The following SH3PXD2B variants were observed in gnomAD, a reference collection of about 807,000 sequenced individuals.
The protein encoded by SH3PXD2B is SH3 and PX domain-containing protein 2B.
A neutral mutation model predicts 73.1 loss-of-function variants in SH3PXD2B; 37 were observed. The ratio of observed to expected loss-of-function variants is 0.51; its 90% CI spans 0.39 to 0.67. SH3PXD2B has a LOEUF of 0.67. Ranked by LOEUF, SH3PXD2B falls within the 30% of genes least tolerant of loss-of-function variation. The probability of loss-of-function intolerance (pLI) is 0.00; values close to 1 mark genes in which losing one functional copy is unlikely to be tolerated. For missense variants in SH3PXD2B, 1,053 were observed against 1,197.8 expected (o/e 0.88, Z 1.78); for synonymous variants, 457 against 480.5 (o/e 0.95, Z 0.64).
chr5:172,423,076 G>A (rs1759009127), intron 1 of SH3PXD2B, among the ~76,000 whole-genome samples: 2 of 152,214 alleles, frequency 1.3e-5, no homozygotes. Flanking sequence ...AATTAAGGAT[G>A]AAGGACCATT....
chr5:172,340,588 C>T (rs1756828926), intron 12 of SH3PXD2B, among the ~76,000 whole-genome samples: 1 of 152,118 alleles, frequency 6.6e-6, no homozygotes, highest in Non-Finnish European at 1.5e-5. Flanking sequence ...GTCCACAACA[C>T]ATGAAAGAGA....
At position 172,411,798 on chromosome 5, in the gene SH3PXD2B, G is replaced by GT. The variant is rs772338597; in HGVS notation, c.157-5447dup. 5.8e-4 allele frequency among the ~76,000 whole-genome samples: 85 copies of GT among 146,292 alleles called. 1 individual carries two copies. The highest frequency in any genetic ancestry group is 8.7e-4 in the South Asian group (4 of 4,606). Reference sequence around the variant, plus strand: ...TTTTAGTAGTCTGTAAGGCTGTGTGGTTTTTTTTTTTTAATCGTGTTAAAT... The same window carrying GT: ...TTTTAGTAGTCTGTAAGGCTGTGTGGTTTTTTTTTTTTTAATCGTGTTAAAT... On this transcript the variant is annotated intron_variant, in intron 2 of 12. Coordinates refer to ENST00000311601, the MANE Select transcript of SH3PXD2B (RefSeq NM_001017995.3).
chr5:172,390,829 G>A (rs1758171451), intron 4 of SH3PXD2B, among the ~76,000 whole-genome samples: 1 of 132,138 alleles, frequency 7.6e-6, no homozygotes, highest in South Asian at 2.2e-4. Context: ...GTGTGTGTGT[G>A]TGTGTGTGTG....
intron 10 of SH3PXD2B, 85 bp downstream of exon 10, chr5:172,350,278 G>T: frequency 7.3e-7 from 1 of 1,361,338 alleles, no homozygotes. Flanking sequence ...CTGCTGTGAG[G>T]ATGAGGGACG....
rs756632316 is a variant in SH3PXD2B at position 172,338,338 on chromosome 5, C to A, written c.*31G>T. On this transcript the variant is annotated 3_prime_UTR_variant, in exon 13 of 13. Transcript: ENST00000311601. The surrounding 1 kb of genome is among the most constrained non-coding windows in gnomAD (Gnocchi z 5.1). ...ATACGTGGGTAAAGCCAGCAAGGAC[C>A]AGCGGGCCCTCTAGGCAGAAAGGGA... 6.2e-7 allele frequency: 1 copy of A among 1,613,754 alleles called. No individual in the cohort carries two copies. The highest frequency in any genetic ancestry group is 1.1e-5 in the South Asian group (1 of 91,068).
chr5:172,363,002 C>G, intron 6 of SH3PXD2B, 133 bp from the exon 7 acceptor site: 1 of 1,201,098 alleles, frequency 8.3e-7, no homozygotes, highest in Non-Finnish European at 1.2e-6. Flanking sequence ...TCAAGGGTGA[C>G]TTCATCCATT....
intron 6 of SH3PXD2B, among the ~76,000 whole-genome samples, chr5:172,364,573 G>A (rs1455119154): frequency 6.6e-6 from 1 of 152,194 alleles, no homozygotes; most frequent in African/African-American, 2.4e-5. Flanking sequence ...GCTGAGCCAT[G>A]AGAATCGCTT....
intron 2 of SH3PXD2B, among the ~76,000 whole-genome samples, chr5:172,420,832 T>A (rs1758948084): frequency 6.6e-6 from 1 of 152,160 alleles, no homozygotes; most frequent in Non-Finnish European, 1.5e-5. Context: ...AGCTGTTGTA[T>A]CATTGTGCAA....
intron 1 of SH3PXD2B, among the ~76,000 whole-genome samples, chr5:172,431,395 G>A (rs967039046): frequency 1.3e-5 from 2 of 152,266 alleles, no homozygotes; most frequent in Non-Finnish European, 2.9e-5. Context: ...GCGACGGGGA[G>A]AGCCTGGCTT....
intron 8 of SH3PXD2B, among the ~76,000 whole-genome samples, chr5:172,355,019 G>T (rs989728410): frequency 4.6e-5 from 7 of 152,184 alleles, no homozygotes; most frequent in Non-Finnish European, 1.0e-4. Flanking sequence ...TATCTGCTCT[G>T]GCAGCTGAAA....
At chr5:172,361,228 T>C (rs1003780848) in intron 7 of SH3PXD2B, among the ~76,000 whole-genome samples, 5 of 152,156 alleles carry the variant, frequency 3.3e-5, no homozygotes, top group Non-Finnish European at 7.3e-5. Context: ...CATGTGTATA[T>C]AACATTTTCA....
At chr5:172,328,790 C>T (rs906321934), downstream of SH3PXD2B, among the ~76,000 whole-genome samples, 1 of 151,776 alleles carries the variant, frequency 6.6e-6, no homozygotes, top group Non-Finnish European at 1.5e-5. Flanking sequence ...AGGAGAGAGG[C>T]TGAGCTGTGC....
At position 172,423,378 on chromosome 5, in the gene SH3PXD2B, A is replaced by G. The variant is rs557602642; in HGVS notation, c.76-882T>C. On this transcript the variant is annotated intron_variant, in intron 1 of 12. Transcript: ENST00000311601. Reference sequence around the variant, plus strand: ...GTTTGGAAACAAAGAAATGTCATAGAAACACAAGGCGCTCAGTGCTGTTAG... The same window carrying G: ...GTTTGGAAACAAAGAAATGTCATAGGAACACAAGGCGCTCAGTGCTGTTAG... Among the ~76,000 whole-genome samples, 5 of 152,326 alleles carry G rather than the reference A, an allele frequency of 3.3e-5. No individual in the cohort carries two copies. The South Asian group carries it at 1.0e-3, about 32-fold the overall frequency.
In SH3PXD2B at chr5:172,401,554, C is replaced by T. The variant is rs185217403; in HGVS notation, c.232+4723G>A. On this transcript the variant is annotated intron_variant, in intron 3 of 12. Coordinates refer to ENST00000311601, the MANE Select transcript of SH3PXD2B (RefSeq NM_001017995.3). ...GAATCCGGCATCAAAATTGAGAGAA[C>T]GAACAAGCCTTCATCGCCATGGCAC... 1.0e-3 allele frequency among the ~76,000 whole-genome samples: 158 copies of T among 152,160 alleles called. 1 individual carries two copies. The highest frequency in any genetic ancestry group is 1.9e-3 in the Non-Finnish European group (131 of 68,008).
chr5:172,409,580 T>C (rs1243925952), intron 2 of SH3PXD2B, among the ~76,000 whole-genome samples: 3 of 152,260 alleles, frequency 2.0e-5, no homozygotes, highest in Non-Finnish European at 4.4e-5. Flanking sequence ...GAGAACTTTA[T>C]GTTCCTGGCT....
At chr5:172,348,699 CTAT>C in intron 10 of SH3PXD2B, among the ~76,000 whole-genome samples, 1 of 42,114 alleles carries the variant, frequency 2.4e-5, no homozygotes, top group Non-Finnish European at 5.5e-5. Context: ...ATCTATCTAT[CTAT>C]CTATCTATTT....
At chr5:172,352,656 C>T (rs1757182090) in intron 9 of SH3PXD2B, among the ~76,000 whole-genome samples, 1 of 152,154 alleles carries the variant, frequency 6.6e-6, no homozygotes, top group Non-Finnish European at 1.5e-5. Flanking sequence ...GCCAGTCTTT[C>T]CCATGCTATT....
chr5:172,372,865 C>T (rs996008326), intron 6 of SH3PXD2B, among the ~76,000 whole-genome samples: 2 of 152,142 alleles, frequency 1.3e-5, no homozygotes, highest in African/African-American at 2.4e-5. Context: ...CTGGAAGTTC[C>T]GAAGTCCACA....
Position 172,339,764 on chromosome 5 carries a change from G to A in SH3PXD2B, c.1341C>T (p.Leu447=). The A allele has an allele frequency of 6.2e-7, 1 of 1,613,232 alleles. No homozygotes were observed. The highest frequency in any genetic ancestry group is 2.2e-5 in the East Asian group (1 of 44,870). The part of the protein sequence containing the change: ...LAPLPHEVTQ[L]RLGEAAALEN... ...CCAGCGCTGCTGCTTCCCCCAGCCG[G>A]AGCTGGGTCACCTCGTGGGGCAGGG... Residue 447 remains leucine, a synonymous_variant, in exon 13 of 13, where the codon CTC becomes CTT. Coordinates refer to ENST00000311601, the MANE Select transcript of SH3PXD2B (RefSeq NM_001017995.3). The surrounding 1 kb of genome is among the most constrained non-coding windows in gnomAD (Gnocchi z 6.1).
Sources: allele counts gnomAD v4.1 joint callset (sites outside exome capture counted in the v4.1 genomes callset), GRCh38; gene constraint gnomAD v4.1.1; non-coding constraint Gnocchi (gnomAD v3.1); transcripts MANE v1.5; gene names NCBI Gene and HGNC (gene_info 2026-07-23, HGNC 2026-07-21).